The following CCDC7 variants were observed in gnomAD, a reference collection of about 807,000 sequenced individuals.
CCDC7 encodes coiled-coil domain-containing protein 7.
A neutral mutation model predicts 196.9 loss-of-function variants in CCDC7; 183 were observed. The ratio of observed to expected loss-of-function variants is 0.93; its 90% CI spans 0.82 to 1.05. The LOEUF (loss-of-function observed/expected upper bound fraction) is 1.05, where lower values mean the gene tolerates loss of function less well. Among genes scored for constraint, CCDC7 ranks in the 50% least tolerant of loss-of-function variants. CCDC7 has a pLI of 0.00. For missense variants in CCDC7, 1,540 were observed against 1,482.2 expected (o/e 1.04, Z -0.64); for synonymous variants, 525 against 484.6 (o/e 1.08, Z -1.10).
chr10:32,619,411 A>C (rs543197737), intron 18 of CCDC7, among the ~76,000 whole-genome samples: 1 of 152,154 alleles, frequency 6.6e-6, no homozygotes, highest in African/African-American at 2.4e-5. Context: ...ATGATGAAAA[A>C]GGAAATAGCA....
intron 9 of CCDC7, among the ~76,000 whole-genome samples, chr10:32,508,540 C>A: frequency 6.6e-6 from 1 of 152,138 alleles, no homozygotes; most frequent in Middle Eastern, 3.2e-3. Flanking sequence ...TAAAACAAAT[C>A]CTAAAATTCA....
intron 20 of CCDC7, among the ~76,000 whole-genome samples, chr10:32,646,955 T>C (rs2067872949): frequency 6.6e-6 from 1 of 152,228 alleles, no homozygotes; most frequent in Admixed American, 6.5e-5. Context: ...GGTATATATG[T>C]CCCATATTTC....
exon 28 of CCDC7, chr10:32,729,335 T>G: frequency 6.4e-7 from 1 of 1,559,244 alleles, no homozygotes; most frequent in Non-Finnish European, 8.7e-7. Flanking sequence ...TATTTAGCGT[T>G]TCCTTTAGAA....
intron 28 of CCDC7, among the ~76,000 whole-genome samples, chr10:32,730,593 T>A (rs1325696378): frequency 6.6e-6 from 1 of 151,990 alleles, no homozygotes; most frequent in African/African-American, 2.4e-5. Flanking sequence ...TACCCATGTA[T>A]ATAAAAATTA....
intron 13 of CCDC7, among the ~76,000 whole-genome samples, chr10:32,554,347 T>C (rs551222311): frequency 2.6e-5 from 4 of 152,230 alleles, no homozygotes; most frequent in African/African-American, 9.6e-5. Context: ...TTTCTTGCCC[T>C]GTTCAAATTG....
Position 32,742,304 on chromosome 10 carries a change from A to C in CCDC7, c.2905+12847A>C, listed in dbSNP as rs567210271. Reference sequence around the variant, plus strand: ...ACTGTCAGCATCCTGCACCAGAGTAAAACATTTGTTATAACCAATGAACCT... The same window carrying C: ...ACTGTCAGCATCCTGCACCAGAGTACAACATTTGTTATAACCAATGAACCT... On this transcript the variant is annotated intron_variant, in intron 28 of 41. Transcript: ENST00000639629. Among the ~76,000 whole-genome samples the C allele has an allele frequency of 3.3e-5, 5 of 152,236 alleles. No individual in the cohort carries two copies. The East Asian group carries it at 9.7e-4, about 29-fold the overall frequency.
exon 26 of CCDC7, chr10:32,726,753 G>A (rs1555067686): frequency 5.6e-6 from 9 of 1,596,180 alleles, no homozygotes; most frequent in Non-Finnish European, 7.7e-6. Flanking sequence ...AAAATTCTAT[G>A]TTTGTTCATC....
chr10:32,694,841 T>G (rs1308285015), intron 23 of CCDC7, 38 bp from the exon 25 acceptor site: 1 of 1,251,824 alleles, frequency 8.0e-7, no homozygotes, highest in East Asian at 2.5e-5. Context: ...AGTAGGTCTG[T>G]TTTTCCATTA....
intron 21 of CCDC7, among the ~76,000 whole-genome samples, chr10:32,682,348 G>T (rs898840155): frequency 1.3e-5 from 2 of 152,074 alleles, no homozygotes; most frequent in African/African-American, 4.8e-5. Context: ...TGCTGCAAAG[G>T]ATACAATTTA....
chr10:32,518,901 G>A (rs1363009095), intron 11 of CCDC7, among the ~76,000 whole-genome samples: 2 of 152,036 alleles, frequency 1.3e-5, no homozygotes, highest in Admixed American at 6.6e-5. Flanking sequence ...AGGAAAATTT[G>A]TTTCCTCTTG....
exon 1 of CCDC7, chr10:32,451,823 T>A: frequency 6.2e-7 from 1 of 1,614,222 alleles, no homozygotes. Flanking sequence ...AACAGGAGAA[T>A]CCATTTTACG....
At chr10:32,523,631 A>G (rs1200674696) in intron 11 of CCDC7, among the ~76,000 whole-genome samples, 2 of 151,338 alleles carry the variant, frequency 1.3e-5, no homozygotes, top group Non-Finnish European at 2.9e-5. Flanking sequence ...CTCTAATAAT[A>G]TTTGCTTTAC....
rs564184864 is a variant in CCDC7 at position 32,487,732 on chromosome 10, G to C, written c.797-4190G>C. ...AGGACCCTCAGCTGCAGGTCTGTTG[G>C]AGTTTGCTGGAGGTCCACTCCAGAC... On this transcript the variant is annotated intron_variant, in intron 8 of 41. Coordinates refer to ENST00000639629, the Ensembl canonical transcript of CCDC7. 2.5e-4 allele frequency among the ~76,000 whole-genome samples: 38 copies of C among 152,314 alleles called. 1 individual carries two copies. In the South Asian group the frequency reaches 7.7e-3, roughly 31 times the overall value.
chr10:32,786,306 C>T (rs2081865279), intron 29 of CCDC7, among the ~76,000 whole-genome samples: 2 of 152,168 alleles, frequency 1.3e-5, no homozygotes, highest in South Asian at 2.1e-4. Context: ...TAATCTCTAG[C>T]ATCACCCCTT....
intron 41 of CCDC7, among the ~76,000 whole-genome samples, chr10:32,855,289 A>G (rs573087890): frequency 6.6e-6 from 1 of 152,026 alleles, no homozygotes; most frequent in South Asian, 2.1e-4. Context: ...GTGGAAGACA[A>G]TTTTTCCATG....
exon 11 of CCDC7, chr10:32,518,450 TATC>T: frequency 1.2e-6 from 2 of 1,606,608 alleles, no homozygotes; most frequent in Non-Finnish European, 1.7e-6. Flanking sequence ...TTTCAGTTGT[TATC>T]AGAAGAGAAG....
chr10:32,795,942 T>C (rs2083481014), intron 29 of CCDC7, among the ~76,000 whole-genome samples: 1 of 152,176 alleles, frequency 6.6e-6, no homozygotes, highest in Non-Finnish European at 1.5e-5. Flanking sequence ...AAATTTTCTC[T>C]TGCTGCGTTT....
In CCDC7 at chr10:32,640,864, C is replaced by CTTTTTTTTTTTTTTTTTTTTT. The variant is rs753769301; in HGVS notation, c.2014+5717_2014+5718insTTTTTTTTTTTTTTTTTTTTT. Reference sequence around the variant, plus strand: ...CAGTCTCTTCTGGCTTGTAGATTTTCTTTTTTTTTTTCTTTTTTTTTTTAT... The same window carrying CTTTTTTTTTTTTTTTTTTTTT: ...CAGTCTCTTCTGGCTTGTAGATTTTCTTTTTTTTTTTTTTTTTTTTTTTTTTTTTTTTCTTTTTTTTTTTAT... On this transcript the variant is annotated intron_variant, in intron 20 of 41. Transcript: ENST00000639629. Among the ~76,000 whole-genome samples, 13 of 74,544 alleles carry CTTTTTTTTTTTTTTTTTTTTT rather than the reference C, an allele frequency of 1.7e-4. 1 individual carries two copies. The highest frequency in any genetic ancestry group is 2.8e-4 in the Non-Finnish European group (9 of 32,720). The allele number at this position is 74,544 out of a possible 152,430, so 48.9% of individuals were successfully genotyped here.
chr10:32,729,789 A>G (rs1183343287), intron 28 of CCDC7, among the ~76,000 whole-genome samples: 1 of 152,136 alleles, frequency 6.6e-6, no homozygotes, highest in Non-Finnish European at 1.5e-5. Flanking sequence ...TTTTCCTTAT[A>G]AAAGGATTCA....
Sources: gnomAD v4.1 joint callset for allele counts (sites outside exome capture counted in the v4.1 genomes callset) on GRCh38, gnomAD v4.1.1 for gene constraint, MANE v1.5 for transcripts, NCBI Gene and HGNC (gene_info 2026-07-23, HGNC 2026-07-21) for gene names.